PLCB1: variants seen among roughly 807,000 people sequenced by gnomAD.
PLCB1 encodes 1-phosphatidylinositol 4,5-bisphosphate phosphodiesterase beta-1.
Under a neutral mutation model 161.8 loss-of-function variants are expected in PLCB1, and 46 were observed. That is an observed-to-expected ratio of 0.28 (90% CI 0.22 to 0.36). PLCB1 has a LOEUF of 0.36. Ranked by LOEUF, PLCB1 falls within the 10% of genes least tolerant of loss-of-function variation. The pLI, the probability that PLCB1 is intolerant of heterozygous loss-of-function variation, is 1.00. For synonymous variants in PLCB1, 517 were observed against 503.7 expected, an observed-to-expected ratio of 1.03 and a Z score of -0.35; for missense variants, 1,016 against 1,472.5, an observed-to-expected ratio of 0.69 and a Z score of 5.07.
At chr20:8,380,277 G>T (rs578016486) in intron 3 of PLCB1, among the ~76,000 whole-genome samples, 1 of 151,556 alleles carries the variant, frequency 6.6e-6, no homozygotes, top group Non-Finnish European at 1.5e-5. Context: ...ATGGTTGTAG[G>T]TGTGTGGTGT....
intron 3 of PLCB1, among the ~76,000 whole-genome samples, chr20:8,586,126 G>T (rs948926864): frequency 1.3e-5 from 2 of 152,218 alleles, no homozygotes; most frequent in South Asian, 2.1e-4. Flanking sequence ...TTGTTATATT[G>T]GTTCCATTAT....
intron 3 of PLCB1, among the ~76,000 whole-genome samples, chr20:8,486,799 A>G (rs965585275): frequency 2.0e-5 from 3 of 152,004 alleles, no homozygotes; most frequent in Non-Finnish European, 4.4e-5. Context: ...CCGGCCTCCA[A>G]AATATTTTCT....
chr20:8,783,413 A>G (rs931551748), intron 27 of PLCB1, among the ~76,000 whole-genome samples: 3 of 152,250 alleles, frequency 2.0e-5, no homozygotes, highest in Admixed American at 6.5e-5. Context: ...TTAGTCACAA[A>G]GCACTTCAAT....
chr20:8,585,158 G>T (rs1467905144), intron 3 of PLCB1, among the ~76,000 whole-genome samples: 1 of 152,192 alleles, frequency 6.6e-6, no homozygotes, highest in African/African-American at 2.4e-5. Flanking sequence ...GGGGCAAAAT[G>T]CTTCCAAGAC....
At chr20:8,371,692 G>C in intron 3 of PLCB1, 6 of 379,174 alleles carry the variant, frequency 1.6e-5, no homozygotes, top group Non-Finnish European at 9.4e-6. Flanking sequence ...GAAAAAAAAA[G>C]ACAACGACAA....
chr20:8,319,123 T>A (rs1209267784), intron 2 of PLCB1, among the ~76,000 whole-genome samples: 1 of 152,224 alleles, frequency 6.6e-6, no homozygotes, highest in Admixed American at 6.5e-5. Context: ...TCTTACAGCT[T>A]CTAGGACATG....
At chr20:8,289,756 A>G (rs1208308991) in intron 2 of PLCB1, among the ~76,000 whole-genome samples, 1 of 152,180 alleles carries the variant, frequency 6.6e-6, no homozygotes, top group Non-Finnish European at 1.5e-5. Context: ...GACACTCGGA[A>G]TCTTGAACGA....
chr20:8,602,472 A>G (rs2123145691), intron 3 of PLCB1, among the ~76,000 whole-genome samples: 1 of 152,226 alleles, frequency 6.6e-6, no homozygotes, highest in East Asian at 1.9e-4. Context: ...AATATATTTT[A>G]TCCACAAGCT....
chr20:8,777,325 G>A (rs555597418), intron 27 of PLCB1, among the ~76,000 whole-genome samples: 175 of 152,216 alleles, frequency 1.1e-3, no homozygotes, highest in African/African-American at 3.8e-3. Context: ...GGAAGAAGCC[G>A]TCCCAAAGTT....
intron 31 of PLCB1, among the ~76,000 whole-genome samples, chr20:8,874,952 T>C (rs1987727632): frequency 1.3e-5 from 2 of 151,942 alleles, no homozygotes; most frequent in Admixed American, 1.3e-4. Context: ...TGTCAATTTC[T>C]CAGAATGTTA....
At chr20:8,472,393 T>C (rs1243052966) in intron 3 of PLCB1, among the ~76,000 whole-genome samples, 2 of 152,214 alleles carry the variant, frequency 1.3e-5, no homozygotes, top group African/African-American at 4.8e-5. Context: ...TGGTGACCAC[T>C]TAATTTTACT....
intron 2 of PLCB1, among the ~76,000 whole-genome samples, chr20:8,171,957 A>G (rs2051736770): frequency 6.6e-6 from 1 of 152,110 alleles, no homozygotes; most frequent in Non-Finnish European, 1.5e-5. Flanking sequence ...TTCTCTGGGA[A>G]CTGTCCCGTC....
intron 2 of PLCB1, among the ~76,000 whole-genome samples, chr20:8,257,278 A>C (rs1568607655): frequency 6.6e-6 from 1 of 152,164 alleles, no homozygotes; most frequent in Non-Finnish European, 1.5e-5. Flanking sequence ...AAAATCAGGT[A>C]CTAGAGTGAT....
chr20:8,199,233 T>A (rs755792212), intron 2 of PLCB1, among the ~76,000 whole-genome samples: 1 of 152,112 alleles, frequency 6.6e-6, no homozygotes, highest in South Asian at 2.1e-4. Flanking sequence ...AGGTCTCACA[T>A]TGATGGAAAT....
chr20:8,691,877 C>T (rs910736179), intron 10 of PLCB1, among the ~76,000 whole-genome samples: 34 of 152,122 alleles, frequency 2.2e-4, no homozygotes, highest in Non-Finnish European at 4.7e-4. Flanking sequence ...GCAGTACCCT[C>T]AGTACTGATT....
chr20:8,745,035 A>G (rs1157767597), intron 23 of PLCB1, among the ~76,000 whole-genome samples: 1 of 152,178 alleles, frequency 6.6e-6, no homozygotes, highest in Non-Finnish European at 1.5e-5. Context: ...CAGTATTTGG[A>G]CATTTTTCAG....
intron 3 of PLCB1, among the ~76,000 whole-genome samples, chr20:8,627,413 A>G (rs989127979): frequency 1.6e-4 from 24 of 152,226 alleles, no homozygotes; most frequent in African/African-American, 5.1e-4. Context: ...CTAAGTAATC[A>G]GGACCTGTTG....
At chr20:8,512,788 A>G (rs1983946264) in intron 3 of PLCB1, among the ~76,000 whole-genome samples, 1 of 152,114 alleles carries the variant, frequency 6.6e-6, no homozygotes, top group African/African-American at 2.4e-5. Context: ...CGTACTTATC[A>G]TTTCTTTGTG....
intron 3 of PLCB1, among the ~76,000 whole-genome samples, chr20:8,539,472 A>T (rs1268779627): frequency 6.6e-6 from 1 of 152,206 alleles, no homozygotes; most frequent in African/African-American, 2.4e-5. Flanking sequence ...GATTCTGGGA[A>T]CATAGAATTA....
Sources: allele counts gnomAD v4.1 joint callset (sites outside exome capture counted in the v4.1 genomes callset), GRCh38; gene constraint gnomAD v4.1.1; transcripts MANE v1.5; gene names NCBI Gene and HGNC (gene_info 2026-07-23, HGNC 2026-07-21).